PRR16: variants seen among roughly 807,000 people sequenced by gnomAD.
The protein encoded by PRR16 is protein Largen.
A neutral mutation model predicts 18.2 loss-of-function variants in PRR16; 6 were observed. The ratio of observed to expected loss-of-function variants is 0.33; its 90% CI spans 0.18 to 0.65. The LOEUF is 0.65. PRR16 is among the 30% of genes least tolerant of loss of function. The probability of loss-of-function intolerance (pLI) is 0.74; values close to 1 mark genes in which losing one functional copy is unlikely to be tolerated. For synonymous variants in PRR16, 151 were observed against 147.8 expected, an observed-to-expected ratio of 1.02 and a Z score of -0.16; for missense variants, 412 against 376.6, an observed-to-expected ratio of 1.09 and a Z score of -0.78.
At chr5:120,524,525 G>C (rs1252550055) in intron 1 of PRR16, among the ~76,000 whole-genome samples, 1 of 151,994 alleles carries the variant, frequency 6.6e-6, no homozygotes, top group Non-Finnish European at 1.5e-5. Flanking sequence ...CCATAGGCTG[G>C]GAAGGGTAGT....
Position 120,686,696 on chromosome 5 carries a change from C to T in PRR16, c.902C>T (p.Thr301Ile). 4.6e-6 allele frequency: 7 copies of T among 1,529,100 alleles called. No homozygotes were observed. Among genetic ancestry groups the T allele is most frequent in the Non-Finnish European group, 6.1e-6 (7 of 1,138,416 alleles). 94.7% of individuals were successfully genotyped at this position (1,529,100 alleles called of 1,614,324 possible). The change falls in exon 2 of 2, where the codon ACT becomes ATT. Residue 301 changes from threonine to isoleucine, a missense_variant. Physicochemically the swap from Thr to Ile is moderately conservative, Grantham distance 89. Transcript: ENST00000407149. The stretch of plus-strand genomic sequence containing the variant: ...AAGACGATCTTGAGGAAGTCAACCA[C>T]TACAACCGTGTGATGTATGCCATTA... ...PQKTILRKSTTTTV is the reference protein window; with the variant it reads ...PQKTILRKSTITTV
At chr5:120,737,309 T>C in the PRR16 span, among the ~76,000 whole-genome samples, 1 of 2,022 alleles carries the variant, frequency 4.9e-4, no homozygotes, top group Admixed American at 5.4e-3. Flanking sequence ...TTTGTTGAGT[T>C]TTTTTTTTTT....
At chr5:120,495,135 G>A (rs1338201977) in intron 1 of PRR16, among the ~76,000 whole-genome samples, 1 of 151,998 alleles carries the variant, frequency 6.6e-6, no homozygotes, top group Non-Finnish European at 1.5e-5. Context: ...TACTGCTGGA[G>A]TTAGAGAAAT....
chr5:120,758,902 G>T, the PRR16 span, among the ~76,000 whole-genome samples: 1 of 150,338 alleles, frequency 6.7e-6, no homozygotes, highest in East Asian at 2.0e-4. Context: ...ATTTCCTTTT[G>T]AACATTCTTG....
the PRR16 span, among the ~76,000 whole-genome samples, chr5:120,782,773 T>G: frequency 1.3e-5 from 2 of 152,122 alleles, no homozygotes; most frequent in Non-Finnish European, 2.9e-5. Context: ...GCCCTGCAAA[T>G]TTTGTGGCTG....
At position 120,608,396 on chromosome 5, in the gene PRR16, T is replaced by C. The variant is rs139813527; in HGVS notation, c.160-77558T>C. On this transcript the variant is annotated intron_variant, in intron 1 of 1. Transcript: ENST00000407149. ...TATGTAGGAATGTTGAAACCAGCAC[T>C]GGTATTCAGAATTTAATTTGATTAC... Among the ~76,000 whole-genome samples the C allele has an allele frequency of 2.3e-3, 348 of 152,302 alleles. 1 individual carries two copies. Among genetic ancestry groups the C allele is most frequent in the Admixed American group, 4.9e-3 (75 of 15,282 alleles).
At chr5:120,612,092 C>T (rs1369613519) in intron 1 of PRR16, among the ~76,000 whole-genome samples, 3 of 152,216 alleles carry the variant, frequency 2.0e-5, no homozygotes, top group African/African-American at 7.2e-5. Context: ...CAAACTTGCA[C>T]AGCCCTGTAA....
chr5:120,481,496 A>T lies in PRR16; in HGVS notation c.159+16851A>T, dbSNP rs115472957. Among the ~76,000 whole-genome samples, 819 of 152,322 alleles carry T rather than the reference A, an allele frequency of 5.4e-3. 12 individuals carry two copies. Among genetic ancestry groups the T allele is most frequent in the African/African-American group, 0.019 (780 of 41,558 alleles). On this transcript the variant is annotated intron_variant, in intron 1 of 1. Coordinates refer to ENST00000407149, the MANE Select transcript of PRR16 (RefSeq NM_001300783.2). ...AGTATAGGAAAGGAATTTAGCATACATGTATTGTATGCATTATAAAATTAT... is the reference window on the plus strand; with the variant it reads ...AGTATAGGAAAGGAATTTAGCATACTTGTATTGTATGCATTATAAAATTAT...
At chr5:120,755,883 A>C in the PRR16 span, among the ~76,000 whole-genome samples, 2 of 152,228 alleles carry the variant, frequency 1.3e-5, no homozygotes, top group East Asian at 1.9e-4. Context: ...CTGAAAGAAA[A>C]GTGTACTCCA....
intron 1 of PRR16, among the ~76,000 whole-genome samples, chr5:120,479,101 T>C (rs1219134351): frequency 6.6e-6 from 1 of 152,162 alleles, no homozygotes; most frequent in Admixed American, 6.6e-5. Context: ...TGGGTACTTA[T>C]AATCAGCCTA....
chr5:120,778,289 A>T, the PRR16 span, among the ~76,000 whole-genome samples: 3 of 152,238 alleles, frequency 2.0e-5, no homozygotes, highest in Admixed American at 6.5e-5. Context: ...TGCTCAAGTA[A>T]AACAGAACCA....
At chr5:120,486,728 C>G (rs78892297) in intron 1 of PRR16, among the ~76,000 whole-genome samples, 1 of 151,868 alleles carries the variant, frequency 6.6e-6, no homozygotes, top group African/African-American at 2.4e-5. Flanking sequence ...GCCCATGTCT[C>G]TGTCCTGAAT....
chr5:120,635,639 A>G (rs924711543), intron 1 of PRR16, among the ~76,000 whole-genome samples: 16 of 152,328 alleles, frequency 1.1e-4, no homozygotes, highest in African/African-American at 3.1e-4. Context: ...AAAACCATCT[A>G]TGATAAACCC....
the PRR16 span, among the ~76,000 whole-genome samples, chr5:120,722,408 A>G: frequency 6.6e-6 from 1 of 152,064 alleles, no homozygotes; most frequent in Non-Finnish European, 1.5e-5. Context: ...AATGTAATAA[A>G]TTATAGGATT....
At chr5:120,650,430 A>G (rs181148474) in intron 1 of PRR16, among the ~76,000 whole-genome samples, 124 of 150,890 alleles carry the variant, frequency 8.2e-4, no homozygotes, top group African/African-American at 2.9e-3. Flanking sequence ...TGCACCCAGT[A>G]ACTCATCATT....
intron 1 of PRR16, among the ~76,000 whole-genome samples, chr5:120,582,241 G>A (rs1753296538): frequency 1.3e-5 from 2 of 152,050 alleles, no homozygotes; most frequent in Non-Finnish European, 2.9e-5. Flanking sequence ...CTTATAAGTG[G>A]GAGCTAAAGA....
intron 1 of PRR16, among the ~76,000 whole-genome samples, chr5:120,513,410 A>G (rs538362229): frequency 3.3e-5 from 5 of 151,856 alleles, no homozygotes; most frequent in Non-Finnish European, 5.9e-5. Flanking sequence ...CTTATTGTCT[A>G]TTTTTCCAAC....
At chr5:120,601,163 G>T (rs1054840405) in intron 1 of PRR16, among the ~76,000 whole-genome samples, 2 of 151,966 alleles carry the variant, frequency 1.3e-5, no homozygotes, top group African/African-American at 2.4e-5. Flanking sequence ...GCTTTCCACA[G>T]TGGCGGAACT....
intron 1 of PRR16, among the ~76,000 whole-genome samples, chr5:120,654,580 C>A (rs916110372): frequency 1.3e-5 from 2 of 151,748 alleles, no homozygotes; most frequent in Admixed American, 1.3e-4. Flanking sequence ...CTTCCATCTC[C>A]ATTGATTCAG....
Sources: gnomAD v4.1 joint callset for allele counts (sites outside exome capture counted in the v4.1 genomes callset) on GRCh38, gnomAD v4.1.1 for gene constraint, MANE v1.5 for transcripts, NCBI Gene and HGNC (gene_info 2026-07-23, HGNC 2026-07-21) for gene names.